TRIM44: variants seen among roughly 807,000 people sequenced by gnomAD.
TRIM44 encodes tripartite motif-containing protein 44.
In TRIM44, 13 loss-of-function variants were observed where a neutral mutation model predicts 37.4. The observed-to-expected ratio is 0.35, with a 90% CI of 0.23 to 0.55. The LOEUF (loss-of-function observed/expected upper bound fraction) is 0.55, where lower values mean the gene tolerates loss of function less well. TRIM44 is among the 20% of genes least tolerant of loss of function. TRIM44 has a pLI of 0.89. For missense variants in TRIM44, 426 were observed against 437.2 expected, an observed-to-expected ratio of 0.97 and a Z score of 0.23; for synonymous variants, 175 against 157.2, an observed-to-expected ratio of 1.11 and a Z score of -0.85.
intron 3 of TRIM44, 57 bp from the exon 4 acceptor site, chr11:35,735,369 G>T: frequency 6.3e-7 from 1 of 1,592,744 alleles, no homozygotes; most frequent in Non-Finnish European, 8.6e-7. Context: ...AAAGAAATCT[G>T]ACTCTGTCTG....
At chr11:35,741,363 C>T (rs1420714130) in intron 4 of TRIM44, among the ~76,000 whole-genome samples, 7 of 152,146 alleles carry the variant, frequency 4.6e-5, no homozygotes, top group Non-Finnish European at 8.8e-5. Context: ...AAGCATACCT[C>T]CTTGCTAAAA....
chr11:35,685,145 C>A, intron 1 of TRIM44, 114 bp from the exon 2 acceptor site: 2 of 774,886 alleles, frequency 2.6e-6, no homozygotes, highest in East Asian at 2.5e-5. Context: ...TTGTTTAGCT[C>A]TCTTGGCTGT....
At chr11:35,802,608 C>T (rs1208017263) in intron 4 of TRIM44, among the ~76,000 whole-genome samples, 2 of 152,166 alleles carry the variant, frequency 1.3e-5, no homozygotes, top group African/African-American at 4.8e-5. Context: ...ACAAGGGTAT[C>T]CATACCCCAG....
At chr11:35,713,716 G>A (rs1037632927) in intron 2 of TRIM44, among the ~76,000 whole-genome samples, 1 of 152,178 alleles carries the variant, frequency 6.6e-6, no homozygotes, top group African/African-American at 2.4e-5. Context: ...TAAGAGCACT[G>A]TGGTTCTTGG....
intron 2 of TRIM44, among the ~76,000 whole-genome samples, chr11:35,702,520 C>T (rs1474315865): frequency 6.6e-6 from 1 of 152,178 alleles, no homozygotes; most frequent in Non-Finnish European, 1.5e-5. Flanking sequence ...TATTGAGCGC[C>T]AGCTGTGACT....
intron 2 of TRIM44, among the ~76,000 whole-genome samples, chr11:35,713,783 G>C (rs1852007090): frequency 6.6e-6 from 1 of 152,158 alleles, no homozygotes; most frequent in Non-Finnish European, 1.5e-5. Flanking sequence ...CTACAAAGAA[G>C]AGAAAATACC....
chr11:35,767,545 G>T (rs191389948), intron 4 of TRIM44, among the ~76,000 whole-genome samples: 5 of 151,864 alleles, frequency 3.3e-5, no homozygotes, highest in Admixed American at 2.6e-4. Context: ...CTGTGCTGTG[G>T]TGGGATAATG....
At chr11:35,754,986 G>A (rs1852614315) in intron 4 of TRIM44, among the ~76,000 whole-genome samples, 1 of 152,136 alleles carries the variant, frequency 6.6e-6, no homozygotes, top group African/African-American at 2.4e-5. Flanking sequence ...TGTCTTTATA[G>A]CAGCATGTTT....
chr11:35,696,925 C>T (rs1248999206), intron 2 of TRIM44, among the ~76,000 whole-genome samples: 2 of 151,864 alleles, frequency 1.3e-5, no homozygotes, highest in Non-Finnish European at 2.9e-5. Flanking sequence ...TTTAATATTA[C>T]ATGAAAATCT....
intron 4 of TRIM44, among the ~76,000 whole-genome samples, chr11:35,774,225 A>C (rs1273659673): frequency 2.0e-5 from 3 of 152,180 alleles, no homozygotes; most frequent in African/African-American, 7.2e-5. Flanking sequence ...ATAGCCGGTG[A>C]TGATGAGCAT....
intron 4 of TRIM44, among the ~76,000 whole-genome samples, chr11:35,803,863 G>T (rs1013782404): frequency 1.3e-5 from 2 of 151,886 alleles, no homozygotes; most frequent in African/African-American, 4.8e-5. Flanking sequence ...CAGGAGAGAC[G>T]ACATACAAGC....
chr11:35,702,324 C>T (rs904438735), intron 2 of TRIM44, among the ~76,000 whole-genome samples: 6 of 152,182 alleles, frequency 3.9e-5, no homozygotes, highest in Admixed American at 6.5e-5. Flanking sequence ...GTGGGCGGCC[C>T]GTGCGCATCC....
chr11:35,762,164 T>G (rs1852739210), intron 4 of TRIM44, among the ~76,000 whole-genome samples: 2 of 152,320 alleles, frequency 1.3e-5, no homozygotes, highest in Admixed American at 6.5e-5. Flanking sequence ...GAATGCAAAT[T>G]TATTGTCCTG....
Position 35,816,448 on chromosome 11 carries a change from A to G in TRIM44, c.*10063A>G, listed in dbSNP as rs1853581162. The G allele has an allele frequency of 6.6e-6, 1 of 152,212 alleles. No homozygotes were observed. The highest frequency in any genetic ancestry group is 1.5e-5 in the Non-Finnish European group (1 of 68,040). 9.4% of individuals were successfully genotyped at this position (152,212 alleles called of 1,614,324 possible). On this transcript the variant is annotated 3_prime_UTR_variant, in exon 5 of 5. Coordinates refer to ENST00000299413, the MANE Select transcript of TRIM44 (RefSeq NM_017583.6). ...ATAAAAACACTTTTCTGCCTTCTAC[A>G]GTATAAACACAACTGGCATCAGATA...
intron 4 of TRIM44, among the ~76,000 whole-genome samples, chr11:35,787,725 A>G (rs1239416527): frequency 2.0e-5 from 3 of 152,212 alleles, no homozygotes; most frequent in Admixed American, 6.5e-5. Context: ...TAGTATCACA[A>G]GAGACACCTG....
chr11:35,687,874 C>A (rs72930254), intron 2 of TRIM44, among the ~76,000 whole-genome samples: 1,544 of 152,192 alleles, frequency 0.01, 12 homozygotes, highest in Non-Finnish European at 0.017. Context: ...TCATTTACTA[C>A]CAACCTATTT....
intron 4 of TRIM44, among the ~76,000 whole-genome samples, chr11:35,737,012 A>G (rs766736742): frequency 1.3e-5 from 2 of 152,202 alleles, no homozygotes; most frequent in African/African-American, 4.8e-5. Flanking sequence ...TAACTGGGCA[A>G]TTACATGGTA....
intron 4 of TRIM44, among the ~76,000 whole-genome samples, chr11:35,788,596 G>T (rs976966150): frequency 3.3e-5 from 5 of 152,202 alleles, no homozygotes; most frequent in African/African-American, 1.2e-4. Context: ...CAGCCATGTT[G>T]TGACCATTCA....
chr11:35,805,520 C>T (rs1853435782), intron 4 of TRIM44, among the ~76,000 whole-genome samples: 1 of 152,210 alleles, frequency 6.6e-6, no homozygotes, highest in South Asian at 2.1e-4. Flanking sequence ...ACTGAAACAT[C>T]ACTAACATCT....
Sources: allele counts gnomAD v4.1 joint callset (sites outside exome capture counted in the v4.1 genomes callset), GRCh38; gene constraint gnomAD v4.1.1; transcripts MANE v1.5; gene names NCBI Gene and HGNC (gene_info 2026-07-23, HGNC 2026-07-21).